The following SETBP1 variants were observed in gnomAD, a reference collection of about 807,000 sequenced individuals.
SETBP1 encodes the protein SET binding protein 1.
A neutral mutation model predicts 101.0 loss-of-function variants in SETBP1; 9 were observed. The observed-to-expected ratio is 0.09, with a 90% CI of 0.05 to 0.16. SETBP1 has a LOEUF of 0.16. Ranked by LOEUF, SETBP1 falls within the 10% of genes least tolerant of loss-of-function variation. SETBP1 has a pLI of 1.00. For missense variants in SETBP1, 1,858 were observed against 2,033.8 expected, an observed-to-expected ratio of 0.91 and a Z score of 1.66; for synonymous variants, 818 against 788.5, an observed-to-expected ratio of 1.04 and a Z score of -0.63.
At chr18:44,720,605 G>A (rs1239359561) in intron 2 of SETBP1, among the ~76,000 whole-genome samples, 2 of 152,156 alleles carry the variant, frequency 1.3e-5, no homozygotes, top group East Asian at 3.9e-4. Flanking sequence ...GGGAGGTTAG[G>A]CCCACGCATG....
intron 2 of SETBP1, among the ~76,000 whole-genome samples, chr18:44,798,588 G>A (rs765157163): frequency 3.3e-5 from 5 of 152,120 alleles, no homozygotes; most frequent in African/African-American, 4.8e-5. Flanking sequence ...ATCTAAAATA[G>A]CACTTCCCCT....
In SETBP1 at chr18:44,723,943, G is replaced by A. The variant is rs1335002491; in HGVS notation, c.486+22111G>A. 6.6e-5 allele frequency among the ~76,000 whole-genome samples: 10 copies of A among 152,288 alleles called. No homozygotes were observed. The South Asian group carries it at 1.7e-3, about 25-fold the overall frequency. On this transcript the variant is annotated intron_variant, in intron 2 of 5. Coordinates refer to ENST00000649279, the MANE Select transcript of SETBP1 (RefSeq NM_015559.3). Reference sequence around the variant, plus strand: ...GATTTACCCTGCATAATGCTGCCTGGGACCTGAGGGTCTCGTTTTTAACGA... The same window carrying A: ...GATTTACCCTGCATAATGCTGCCTGAGACCTGAGGGTCTCGTTTTTAACGA...
intron 3 of SETBP1, among the ~76,000 whole-genome samples, chr18:44,892,041 G>T (rs2069783986): frequency 6.6e-6 from 1 of 152,066 alleles, no homozygotes; most frequent in African/African-American, 2.4e-5. Context: ...AGAAACAACA[G>T]AAATTAAGCT....
intron 4 of SETBP1, among the ~76,000 whole-genome samples, chr18:44,967,744 C>T (rs1028842912): frequency 5.3e-5 from 8 of 152,128 alleles, no homozygotes; most frequent in African/African-American, 7.2e-5. Flanking sequence ...CCATGTGGCC[C>T]GTCCAGCAAC....
rs2071797263 is a variant in SETBP1 at position 44,969,604 on chromosome 18, C to G, written c.4000+16264C>G. 2.0e-5 allele frequency among the ~76,000 whole-genome samples: 3 copies of G among 152,150 alleles called. No homozygotes were observed. In the South Asian group the frequency reaches 6.2e-4, roughly 31 times the overall value. On this transcript the variant is annotated intron_variant, in intron 4 of 5. Coordinates refer to ENST00000649279, the MANE Select transcript of SETBP1 (RefSeq NM_015559.3). ...GCTAGAGAAACAGCCCCAAGAAAAGCAGGCGCACTTCCATGGCTAGGTTCT... is the reference window on the plus strand; with the variant it reads ...GCTAGAGAAACAGCCCCAAGAAAAGGAGGCGCACTTCCATGGCTAGGTTCT...
At chr18:44,864,654 C>T (rs2069089850) in intron 2 of SETBP1, among the ~76,000 whole-genome samples, 1 of 152,122 alleles carries the variant, frequency 6.6e-6, no homozygotes. Context: ...TTTTCTCCTT[C>T]CTTTGCCTTT....
intron 2 of SETBP1, among the ~76,000 whole-genome samples, chr18:44,810,406 A>G (rs1367107626): frequency 2.6e-5 from 4 of 152,232 alleles, no homozygotes; most frequent in Non-Finnish European, 5.9e-5. Context: ...GAATCCCTTA[A>G]TACAGATGGA....
At chr18:45,043,394 C>T (rs2073549774) in intron 5 of SETBP1, among the ~76,000 whole-genome samples, 1 of 151,682 alleles carries the variant, frequency 6.6e-6, no homozygotes, top group African/African-American at 2.4e-5. Flanking sequence ...CACACACACA[C>T]ACAAACACAT....
intron 2 of SETBP1, among the ~76,000 whole-genome samples, chr18:44,846,761 A>G (rs941970143): frequency 6.6e-6 from 1 of 152,226 alleles, no homozygotes; most frequent in African/African-American, 2.4e-5. Flanking sequence ...TCTGCCTCCA[A>G]AGATACTTAC....
At chr18:44,799,381 G>A (rs1001572364) in intron 2 of SETBP1, among the ~76,000 whole-genome samples, 6 of 151,882 alleles carry the variant, frequency 4.0e-5, no homozygotes, top group Non-Finnish European at 7.4e-5. Context: ...GTTTTTTTCC[G>A]AGAAGCCTTG....
Position 44,951,514 on chromosome 18 carries a change from A to G in SETBP1, c.2174A>G (p.Lys725Arg). The G allele has an allele frequency of 6.2e-7, 1 of 1,614,168 alleles. No homozygotes were observed. The highest frequency in any genetic ancestry group is 8.5e-7 in the Non-Finnish European group (1 of 1,180,042). ...AAGAGGGGAACCATCTACATTGGCA[A>G]GAAGCGGGGCAGGAAGCCAAGAGCA... The part of the protein sequence containing the change: ...VSKRGTIYIG[K>R]KRGRKPRAEL... Residue 725 changes from lysine (K) to arginine (R), a missense_variant, in exon 4 of 6, where the codon AAG becomes AGG. Transcript: ENST00000649279. The surrounding 1 kb of genome is among the most constrained non-coding windows in gnomAD (Gnocchi z 7.8).
intron 2 of SETBP1, among the ~76,000 whole-genome samples, chr18:44,771,481 G>A (rs142521578): frequency 9.5e-4 from 145 of 152,032 alleles, no homozygotes; most frequent in African/African-American, 3.2e-3. Flanking sequence ...CCCTGCAAAG[G>A]GGCCAGGCCC....
chr18:44,697,245 C>T (rs1168964959), intron 1 of SETBP1: 1 of 152,230 alleles, frequency 6.6e-6, no homozygotes, highest in Non-Finnish European at 1.5e-5. Flanking sequence ...CCCAGACTCA[C>T]CAAAAAATTG....
chr18:44,872,823 A>G (rs1266299207), intron 3 of SETBP1, among the ~76,000 whole-genome samples: 1 of 152,264 alleles, frequency 6.6e-6, no homozygotes, highest in African/African-American at 2.4e-5. Flanking sequence ...CAGGTCCTGC[A>G]TGCCCAGCCA....
chr18:45,056,883 G>T (rs2073817319), intron 5 of SETBP1, among the ~76,000 whole-genome samples: 1 of 152,162 alleles, frequency 6.6e-6, no homozygotes, highest in African/African-American at 2.4e-5. Flanking sequence ...ACAGACCAGA[G>T]TCCTTCAAGC....
intron 2 of SETBP1, among the ~76,000 whole-genome samples, chr18:44,844,623 C>T (rs959947671): frequency 6.6e-6 from 1 of 152,194 alleles, no homozygotes; most frequent in Non-Finnish European, 1.5e-5. Flanking sequence ...ATCATGCCTC[C>T]ACCCACGATC....
intron 5 of SETBP1, among the ~76,000 whole-genome samples, chr18:45,050,239 C>G (rs904439222): frequency 6.6e-6 from 1 of 152,190 alleles, no homozygotes. Flanking sequence ...TTGCCTTGTA[C>G]GGTGTAAGGT....
intron 3 of SETBP1, among the ~76,000 whole-genome samples, chr18:44,929,978 T>C (rs1013516979): frequency 5.9e-5 from 9 of 152,202 alleles, no homozygotes; most frequent in Non-Finnish European, 7.3e-5. Context: ...CTGTGTTGAA[T>C]AGGAGTGGTA....
chr18:44,880,913 A>G (rs2069516917), intron 3 of SETBP1, among the ~76,000 whole-genome samples: 1 of 152,208 alleles, frequency 6.6e-6, no homozygotes, highest in Non-Finnish European at 1.5e-5. Flanking sequence ...TCCAAACTAT[A>G]TCAAGCATGG....
Sources: gnomAD v4.1 joint callset for allele counts (sites outside exome capture counted in the v4.1 genomes callset) on GRCh38, gnomAD v4.1.1 for gene constraint, Gnocchi (gnomAD v3.1) non-coding constraint, MANE v1.5 for transcripts, NCBI Gene and HGNC (gene_info 2026-07-23, HGNC 2026-07-21) for gene names.